Variants in TBC1D32 observed in about 807,000 individuals in gnomAD.
TBC1D32 encodes the protein protein broad-minded.
A neutral mutation model predicts 170.3 loss-of-function variants in TBC1D32; 151 were observed. The observed-to-expected ratio is 0.89, with a 90% CI of 0.78 to 1.01. TBC1D32 has a LOEUF of 1.01. Among genes scored for constraint, TBC1D32 ranks in the 50% least tolerant of loss-of-function variants. TBC1D32 has a pLI of 0.00. For missense variants in TBC1D32, 1,464 were observed against 1,457.1 expected (o/e 1.00, Z -0.08); for synonymous variants, 498 against 488.0 (o/e 1.02, Z -0.27).
intron 17 of TBC1D32, 50 bp from the exon 18 acceptor site, chr6:121,242,389 GA>G (rs1270692359): frequency 1.3e-6 from 2 of 1,572,304 alleles, no homozygotes; most frequent in African/African-American, 2.7e-5. Flanking sequence ...ACTAAAAACT[GA>G]AAACAAAGAG....
chr6:121,256,233 C>G lies in TBC1D32; in HGVS notation c.1786G>C (p.Asp596His). ...TCTGATCCAGAAAATATAGAAATAT[C>G]TTCATCGAGAAGTTTTTTCGAAAAC... is the stretch of plus-strand genomic sequence containing the variant. ...AQFSKKLLDE[D>H]ISIFSGSEML... The change falls in exon 16 of 32, where the codon GAT becomes CAT. Residue 596 changes from aspartate to histidine, a missense_variant. Coordinates refer to ENST00000398212, the MANE Select transcript of TBC1D32 (RefSeq NM_152730.6). 2 of 1,613,742 alleles carry G rather than the reference C, an allele frequency of 1.2e-6. No individual in the cohort carries two copies. The highest frequency in any genetic ancestry group is 1.7e-6 in the Non-Finnish European group (2 of 1,179,920).
rs1468910078 is a variant in TBC1D32, at chr6:121,279,171, T to A, written c.1683A>T (p.Glu561Asp). ...CTCCATAAAGGAGTAAAATAAGCCC[T>A]TCTTCTACAGATGCAATTCTTGCCA... ...GILARIASVEEGLILLLYGAN... is the reference protein window; with the variant it reads ...GILARIASVEDGLILLLYGAN... The change falls in exon 15 of 32, where the codon GAA becomes GAT. Residue 561 changes from glutamate to aspartate, a missense_variant. Transcript: ENST00000398212. The A allele has an allele frequency of 1.2e-6, 2 of 1,611,600 alleles. No homozygotes were observed. The highest frequency in any genetic ancestry group is 1.3e-5 in the African/African-American group (1 of 74,824).
chr6:121,263,021 C>T (rs1799973014), intron 15 of TBC1D32, among the ~76,000 whole-genome samples: 1 of 152,070 alleles, frequency 6.6e-6, no homozygotes, highest in South Asian at 2.1e-4. Context: ...ACTGGATTAA[C>T]TAGTGTGCAA....
chr6:121,255,266 A>T, intron 17 of TBC1D32, 62 bp downstream of exon 17: 1 of 1,017,298 alleles, frequency 9.8e-7, no homozygotes, highest in Non-Finnish European at 1.4e-6. Flanking sequence ...ATTACATTTT[A>T]ATAATTTTAA....
At chr6:121,133,335 C>T (rs1781650455) in intron 24 of TBC1D32, among the ~76,000 whole-genome samples, 1 of 151,922 alleles carries the variant, frequency 6.6e-6, no homozygotes, top group Admixed American at 6.6e-5. Context: ...ACTTTTCAGC[C>T]CAATTTTTAT....
At chr6:121,134,786 GACC>G (rs148509307) in intron 24 of TBC1D32, among the ~76,000 whole-genome samples, 3,753 of 152,128 alleles carry the variant, frequency 0.025, 161 homozygotes, top group East Asian at 0.13. Flanking sequence ...CCAAATTTGG[GACC>G]AACTGAGAAG....
chr6:121,148,122 C>A (rs1338057831), intron 24 of TBC1D32, among the ~76,000 whole-genome samples: 1 of 152,016 alleles, frequency 6.6e-6, no homozygotes, highest in African/African-American at 2.4e-5. Context: ...TCTCCTAATG[C>A]TATCCCACCC....
chr6:121,151,166 T>C, intron 24 of TBC1D32, among the ~76,000 whole-genome samples: 1 of 152,146 alleles, frequency 6.6e-6, no homozygotes, highest in East Asian at 1.9e-4. Flanking sequence ...CCTCTAACAC[T>C]GCTTTAGCTG....
At chr6:121,229,651 C>A (rs941109714) in intron 20 of TBC1D32, among the ~76,000 whole-genome samples, 2 of 152,084 alleles carry the variant, frequency 1.3e-5, no homozygotes, top group African/African-American at 4.8e-5. Context: ...TTAATTCTCG[C>A]AGACTGCAAA....
chr6:121,136,817 G>A (rs1023915501), intron 24 of TBC1D32, among the ~76,000 whole-genome samples: 2 of 152,070 alleles, frequency 1.3e-5, no homozygotes. Context: ...ATATACACAT[G>A]TGTATGTAAA....
intron 5 of TBC1D32, among the ~76,000 whole-genome samples, chr6:121,306,488 T>C (rs1807341135): frequency 6.6e-6 from 1 of 152,182 alleles, no homozygotes; most frequent in South Asian, 2.1e-4. Flanking sequence ...ATACTCAATA[T>C]ATATTTGCTG....
chr6:121,097,951 A>G (rs1241670833), intron 30 of TBC1D32, among the ~76,000 whole-genome samples: 1 of 151,960 alleles, frequency 6.6e-6, no homozygotes, highest in African/African-American at 2.4e-5. Flanking sequence ...AAGAACAGAA[A>G]ACTAAACACT....
chr6:121,186,214 T>G (rs906283873), intron 22 of TBC1D32, among the ~76,000 whole-genome samples: 5 of 152,098 alleles, frequency 3.3e-5, no homozygotes, highest in Admixed American at 3.3e-4. Context: ...GTAAATTAAC[T>G]GCGTTGGCTA....
At chr6:121,210,683 G>T (rs925693328) in intron 21 of TBC1D32, among the ~76,000 whole-genome samples, 2 of 152,098 alleles carry the variant, frequency 1.3e-5, no homozygotes, top group African/African-American at 4.8e-5. Context: ...AGATTATGGG[G>T]GTGGGCTTGA....
intron 21 of TBC1D32, among the ~76,000 whole-genome samples, chr6:121,220,716 C>G (rs1210838455): frequency 6.7e-6 from 1 of 148,766 alleles, no homozygotes; most frequent in Non-Finnish European, 1.5e-5. Flanking sequence ...TCCTGGCTCA[C>G]TGCGACCTCT....
chr6:121,201,476 T>C (rs1791553771), intron 22 of TBC1D32, among the ~76,000 whole-genome samples: 1 of 151,084 alleles, frequency 6.6e-6, no homozygotes, highest in Non-Finnish European at 1.5e-5. Context: ...CATAGCAGAG[T>C]TGATCAGTAC....
In TBC1D32 at chr6:121,131,041, C is replaced by T. The variant is rs201153405; in HGVS notation, c.2899+586G>A. ...AAAGTACACAATACCTTTTAAATTACGGTTTTCAGGAAATCTAGCTTATAT... is the reference window on the plus strand; with the variant it reads ...AAAGTACACAATACCTTTTAAATTATGGTTTTCAGGAAATCTAGCTTATAT... On this transcript the variant is annotated intron_variant, in intron 25 of 31. Transcript: ENST00000398212. 7.2e-5 allele frequency among the ~76,000 whole-genome samples: 11 copies of T among 152,032 alleles called. No homozygotes were observed. In the South Asian group the frequency reaches 8.3e-4, roughly 11 times the overall value.
At chr6:121,226,948 A>AAGT (rs1795144562) in intron 20 of TBC1D32, among the ~76,000 whole-genome samples, 1 of 147,326 alleles carries the variant, frequency 6.8e-6, no homozygotes, top group Non-Finnish European at 1.5e-5. Context: ...ACTGACTCTA[A>AAGT]AGTAGGGGTG....
intron 11 of TBC1D32, among the ~76,000 whole-genome samples, chr6:121,292,853 G>T (rs1456602680): frequency 2.6e-5 from 4 of 152,182 alleles, no homozygotes; most frequent in African/African-American, 7.2e-5. Context: ...TCCTGAGAGA[G>T]AACTGGGCAG....
Sources: allele counts gnomAD v4.1 joint callset (sites outside exome capture counted in the v4.1 genomes callset), GRCh38; gene constraint gnomAD v4.1.1; transcripts MANE v1.5; gene names NCBI Gene and HGNC (gene_info 2026-07-23, HGNC 2026-07-21).